TES: variants seen among roughly 807,000 people sequenced by gnomAD.
The protein encoded by TES is testin LIM domain protein, also known as testin.
TES carries 41 observed loss-of-function variants against 48.2 expected under a neutral mutation model. That is an observed-to-expected ratio of 0.85 (90% CI 0.66 to 1.10). The LOEUF is 1.10. TES is among the 50% of genes least tolerant of loss of function. The probability of loss-of-function intolerance (pLI) is 0.00; values close to 1 mark genes in which losing one functional copy is unlikely to be tolerated. For synonymous variants in TES, 162 were observed against 174.9 expected (o/e 0.93, Z 0.58); for missense variants, 463 against 515.1 (o/e 0.90, Z 0.98).
rs1027640129 is a variant in TES at position 116,258,430 on chromosome 7, A to G, written c.*948A>G. ...CCTGACCCACACACTTTTTACTTGT[A>G]TAGATGATTTTTGGCTTGGACATAA... is the stretch of plus-strand genomic sequence containing the variant. On this transcript the variant is annotated 3_prime_UTR_variant, in exon 7 of 7. Transcript: ENST00000358204. 1 of 152,580 alleles carries G rather than the reference A, an allele frequency of 6.6e-6. No individual in the cohort carries two copies. The highest frequency in any genetic ancestry group is 1.5e-5 in the Non-Finnish European group (1 of 68,016). The allele number at this position is 152,580 out of a possible 1,614,324, so 9.5% of individuals were successfully genotyped here.
At chr7:116,226,439 C>CAG (rs1419942026) in intron 1 of TES, among the ~76,000 whole-genome samples, 2 of 148,952 alleles carry the variant, frequency 1.3e-5, no homozygotes, top group Non-Finnish European at 3.0e-5. Context: ...AGAAGAGGAG[C>CAG]AGAGGTTCAA....
chr7:116,216,882 T>C (rs1464017848), intron 1 of TES, among the ~76,000 whole-genome samples: 1 of 151,974 alleles, frequency 6.6e-6, no homozygotes, highest in Non-Finnish European at 1.5e-5. Context: ...AAATGAAAAA[T>C]AATGGAACAT....
intron 2 of TES, among the ~76,000 whole-genome samples, chr7:116,235,503 A>G (rs1324619823): frequency 6.6e-6 from 1 of 152,228 alleles, no homozygotes; most frequent in Admixed American, 6.5e-5. Flanking sequence ...TATATACACA[A>G]GACAATGTTA....
chr7:116,224,835 C>A (rs3779509), intron 1 of TES, among the ~76,000 whole-genome samples: 50,710 of 151,580 alleles, frequency 0.33, 8,921 homozygotes, highest in East Asian at 0.57. Flanking sequence ...TTACCCTTTA[C>A]ATTACTATTT....
intron 2 of TES, among the ~76,000 whole-genome samples, chr7:116,247,034 A>C (rs557286871): frequency 2.7e-5 from 4 of 150,906 alleles, no homozygotes; most frequent in Non-Finnish European, 5.9e-5. Context: ...TGCATGAATG[A>C]ATGAATGTCT....
In TES at chr7:116,246,946, C is replaced by CTTTTTTTTTT. The variant is rs148032626; in HGVS notation, c.114-2074_114-2073insTTTTTTTTTT. Among the ~76,000 whole-genome samples the CTTTTTTTTTT allele has an allele frequency of 3.8e-5, 5 of 131,044 alleles. 1 individual carries two copies. The highest frequency in any genetic ancestry group is 4.7e-5 in the Non-Finnish European group (3 of 63,252). 86.0% of individuals were successfully genotyped at this position (131,044 alleles called of 152,430 possible). A position where few individuals can be genotyped will look rare whatever the true frequency, so the allele number is the denominator to read the frequency against. ...AGTTCTAGAAATCAGAGACTAGGCCCCTTTTTTTTTTTTTTTTTTTTAAGC... is the reference window on the plus strand; with the variant it reads ...AGTTCTAGAAATCAGAGACTAGGCCCTTTTTTTTTTCTTTTTTTTTTTTTTTTTTTTAAGC... On this transcript the variant is annotated intron_variant, in intron 2 of 6. Transcript: ENST00000358204.
chr7:116,246,946 C>CTTTTTTTTTTTTTTTTTTTTTTTTTTTTT (rs148032626), intron 2 of TES, among the ~76,000 whole-genome samples: 1 of 131,046 alleles, frequency 7.6e-6, no homozygotes. Context: ...AGACTAGGCC[C>CTTTTTTTTTTTTTTTTTTTTTTTTTTTTT]CTTTTTTTTT....
At chr7:116,256,465 A>G (rs1800100069) in intron 6 of TES, among the ~76,000 whole-genome samples, 1 of 152,238 alleles carries the variant, frequency 6.6e-6, no homozygotes, top group South Asian at 2.1e-4. Flanking sequence ...CAGAACATGT[A>G]TAAACTATAA....
At chr7:116,234,101 T>C (rs1799734878) in intron 1 of TES, among the ~76,000 whole-genome samples, 1 of 152,158 alleles carries the variant, frequency 6.6e-6, no homozygotes, top group Middle Eastern at 3.2e-3. Flanking sequence ...ATAAAAATAA[T>C]ATTTCAGTTG....
chr7:116,248,446 ATC>A (rs1799957434), intron 2 of TES, among the ~76,000 whole-genome samples: 1 of 152,084 alleles, frequency 6.6e-6, no homozygotes, highest in Non-Finnish European at 1.5e-5. Flanking sequence ...TCTCCGCAAC[ATC>A]TGTTATTTTT....
chr7:116,253,922 G>A (rs1584631072), intron 6 of TES, among the ~76,000 whole-genome samples: 1 of 151,970 alleles, frequency 6.6e-6, no homozygotes, highest in African/African-American at 2.4e-5. Flanking sequence ...GTAAGCAGCT[G>A]GAGGGTAGAG....
At chr7:116,254,758 A>ATGTGTGTGTGTG (rs202115399) in intron 6 of TES, among the ~76,000 whole-genome samples, 10 of 116,756 alleles carry the variant, frequency 8.6e-5, no homozygotes, top group Non-Finnish European at 1.6e-4. Flanking sequence ...ATATATATAT[A>ATGTGTGTGTGTG]TGTGTGTGTG....
chr7:116,210,773 T>G (rs1799426371), intron 1 of TES, 39 bp downstream of exon 1: 5 of 1,233,886 alleles, frequency 4.1e-6, no homozygotes, highest in Non-Finnish European at 5.1e-6. Context: ...CTGCTTCACC[T>G]GCGCGGGTCG....
chr7:116,245,444 C>T (rs1799909624), intron 2 of TES, among the ~76,000 whole-genome samples: 1 of 152,144 alleles, frequency 6.6e-6, no homozygotes, highest in East Asian at 1.9e-4. Context: ...CTATCTGAGA[C>T]CACCTCAGCC....
At chr7:116,219,213 TG>T (rs2116574402) in intron 1 of TES, among the ~76,000 whole-genome samples, 1 of 152,294 alleles carries the variant, frequency 6.6e-6, no homozygotes, top group East Asian at 1.9e-4. Context: ...CAAAGGTACC[TG>T]GCTGTGAAAA....
chr7:116,234,432 T>TATC, intron 1 of TES, 102 bp from the exon 2 acceptor site: 2 of 995,730 alleles, frequency 2.0e-6, no homozygotes, highest in Admixed American at 2.0e-5. Context: ...GTTTGAAAGT[T>TATC]ATCTCAACAC....
intron 2 of TES, among the ~76,000 whole-genome samples, chr7:116,243,495 A>G (rs1170132064): frequency 1.3e-5 from 2 of 152,128 alleles, no homozygotes; most frequent in Non-Finnish European, 2.9e-5. Flanking sequence ...TATTCATTAT[A>G]TATTGTTCCC....
intron 2 of TES, among the ~76,000 whole-genome samples, chr7:116,241,895 CTTTATA>C (rs921765917): frequency 6.6e-6 from 1 of 152,142 alleles, no homozygotes; most frequent in South Asian, 2.1e-4. Flanking sequence ...AAATTTAACT[CTTTATA>C]TTTAACACTT....
At chr7:116,254,841 T>C (rs1294213173) in intron 6 of TES, among the ~76,000 whole-genome samples, 1 of 151,296 alleles carries the variant, frequency 6.6e-6, no homozygotes, top group African/African-American at 2.4e-5. Flanking sequence ...GGATATACCA[T>C]TGGCCTTTGC....
Sources: gnomAD v4.1 joint callset for allele counts (sites outside exome capture counted in the v4.1 genomes callset) on GRCh38, gnomAD v4.1.1 for gene constraint, MANE v1.5 for transcripts, NCBI Gene and HGNC (gene_info 2026-07-23, HGNC 2026-07-21) for gene names.